Variants in RABGAP1 observed in about 807,000 individuals in gnomAD.
RABGAP1 encodes RAB GTPase activating protein 1, also known as rab GTPase-activating protein 1.
In RABGAP1, 23 loss-of-function variants were observed where a neutral mutation model predicts 137.6. That is an observed-to-expected ratio of 0.17 (90% CI 0.12 to 0.24). RABGAP1 has a LOEUF of 0.24. Ranked by LOEUF, RABGAP1 falls within the 10% of genes least tolerant of loss-of-function variation. The pLI is 1.00. For missense variants in RABGAP1, 906 were observed against 1,275.8 expected (o/e 0.71, Z 4.42); for synonymous variants, 451 against 450.7 (o/e 1.00, Z -0.01).
rs116594588 is a variant in RABGAP1, at chr9:122,999,644, C to T, written c.1374+878C>T. Among the ~76,000 whole-genome samples the T allele has an allele frequency of 3.0e-3, 450 of 151,862 alleles. 3 individuals are homozygous for T. The highest frequency in any genetic ancestry group is 0.01 in the African/African-American group (421 of 41,414). ...ACATGATTAGGTACGGTTTTCTTTC[C>T]GTTTATCCTGCTTGGGATTTGTTGG... On this transcript the variant is annotated intron_variant, in intron 10 of 25. Transcript: ENST00000373647.
chr9:123,046,549 A>G (rs187341229), intron 13 of RABGAP1, among the ~76,000 whole-genome samples: 1 of 152,288 alleles, frequency 6.6e-6, no homozygotes, highest in East Asian at 1.9e-4. Context: ...TAATCGTTCT[A>G]AGTCTCAGTT....
At chr9:123,036,672 G>A (rs903926572) in intron 13 of RABGAP1, among the ~76,000 whole-genome samples, 1 of 152,040 alleles carries the variant, frequency 6.6e-6, no homozygotes, top group Admixed American at 6.6e-5. Context: ...TGGTTAAATG[G>A]AATCAACTAG....
chr9:123,035,628 T>TAA lies in RABGAP1; in HGVS notation c.1794+15170_1794+15171insAA, dbSNP rs1430389963. The TAA allele has an allele frequency of 4.7e-6, 7 of 1,489,402 alleles. 1 individual carries two copies. In the African/African-American group the frequency reaches 9.9e-5, roughly 21 times the overall value. 92.3% of individuals were successfully genotyped at this position (1,489,402 alleles called of 1,614,324 possible). On this transcript the variant is annotated intron_variant, in intron 13 of 25. Transcript: ENST00000373647. ...GATGTCATATCTGAAGTGGCTCAGTTACGGGGTTCCCGTGTGTGTGTGTGT... is the reference window on the plus strand; with the variant it reads ...GATGTCATATCTGAAGTGGCTCAGTTAAACGGGGTTCCCGTGTGTGTGTGTGT...
At chr9:123,083,842 C>T (rs142002666) in intron 19 of RABGAP1, among the ~76,000 whole-genome samples, 2,310 of 152,276 alleles carry the variant, frequency 0.015, 28 homozygotes, top group Non-Finnish European at 0.022. Flanking sequence ...CCCTCAAATA[C>T]GAGTGTTCTT....
intron 9 of RABGAP1, 59 bp from the exon 10 acceptor site, chr9:122,998,538 T>C (rs1206944871): frequency 1.1e-5 from 14 of 1,268,296 alleles, no homozygotes; most frequent in Admixed American, 5.2e-5. Flanking sequence ...TGGAATCTTA[T>C]GAGCAAATAT....
At chr9:123,099,844 G>A (rs2035289390) in intron 24 of RABGAP1, among the ~76,000 whole-genome samples, 1 of 152,228 alleles carries the variant, frequency 6.6e-6, no homozygotes. Context: ...AGGAGAAGGA[G>A]TCATGCAAGT....
At chr9:123,081,377 T>C (rs2034702461) in intron 19 of RABGAP1, among the ~76,000 whole-genome samples, 1 of 152,168 alleles carries the variant, frequency 6.6e-6, no homozygotes, top group African/African-American at 2.4e-5. Flanking sequence ...AGGTGAGAAT[T>C]GGAAATATTT....
At chr9:123,028,575 G>A (rs186778193) in intron 13 of RABGAP1, among the ~76,000 whole-genome samples, 177 of 152,310 alleles carry the variant, frequency 1.2e-3, no homozygotes, top group African/African-American at 3.5e-3. Flanking sequence ...AGAGAACAGC[G>A]TGTACTCAAG....
intron 11 of RABGAP1, among the ~76,000 whole-genome samples, chr9:123,012,982 A>G (rs565720943): frequency 3.5e-4 from 54 of 152,326 alleles, no homozygotes; most frequent in Non-Finnish European, 6.8e-4. Flanking sequence ...GCAGAAACCC[A>G]GAAATTATAA....
intron 10 of RABGAP1, 136 bp downstream of exon 10, chr9:122,998,902 A>G (rs949261825): frequency 9.9e-6 from 5 of 504,496 alleles, no homozygotes; most frequent in African/African-American, 7.9e-5. Flanking sequence ...TATATTTTTC[A>G]TATTTACCCA....
chr9:123,046,631 G>A (rs1308042863), intron 13 of RABGAP1, among the ~76,000 whole-genome samples: 1 of 152,208 alleles, frequency 6.6e-6, no homozygotes, highest in Non-Finnish European at 1.5e-5. Flanking sequence ...AAAGCTCTTA[G>A]CGTAGTGCTT....
intron 10 of RABGAP1, among the ~76,000 whole-genome samples, chr9:123,004,722 C>T (rs566592732): frequency 6.6e-6 from 1 of 152,122 alleles, no homozygotes; most frequent in South Asian, 2.1e-4. Context: ...ATTTTATTTA[C>T]AGTAACAGTA....
At chr9:123,034,258 C>T in intron 13 of RABGAP1, 1 of 404,874 alleles carries the variant, frequency 2.5e-6, no homozygotes, top group Non-Finnish European at 4.4e-6. Flanking sequence ...CCTCACTTGG[C>T]CTGAAGACGT....
intron 21 of RABGAP1, among the ~76,000 whole-genome samples, chr9:123,093,507 G>A (rs2035091717): frequency 6.6e-6 from 1 of 152,240 alleles, no homozygotes; most frequent in African/African-American, 2.4e-5. Flanking sequence ...CCCAACTGCT[G>A]TCCAGCAGGA....
chr9:123,068,596 C>T (rs2034256914), intron 14 of RABGAP1, among the ~76,000 whole-genome samples: 1 of 152,036 alleles, frequency 6.6e-6, no homozygotes, highest in Non-Finnish European at 1.5e-5. Flanking sequence ...AAAGTGGTGC[C>T]TCGTATTATA....
At chr9:123,050,851 T>C (rs1463542084) in intron 13 of RABGAP1, among the ~76,000 whole-genome samples, 1 of 152,228 alleles carries the variant, frequency 6.6e-6, no homozygotes, top group African/African-American at 2.4e-5. Context: ...ATGTATAATT[T>C]TTTAGGAGAA....
intron 2 of RABGAP1, among the ~76,000 whole-genome samples, chr9:122,973,296 G>A (rs1189220100): frequency 6.6e-6 from 1 of 152,056 alleles, no homozygotes; most frequent in Non-Finnish European, 1.5e-5. Context: ...GGAGTGCAGT[G>A]GCATGATCCC....
rs376210786 is a variant in RABGAP1, at chr9:123,089,900, A to G, written c.2517+50A>G. 114 of 1,480,836 alleles carry G rather than the reference A, an allele frequency of 7.7e-5. 2 individuals are homozygous for G. In the South Asian group the frequency reaches 1.2e-3, roughly 16 times the overall value. The allele number at this position is 1,480,836 out of a possible 1,614,324, so 91.7% of individuals were successfully genotyped here. A position where few individuals can be genotyped will look rare whatever the true frequency, so the allele number is the denominator to read the frequency against. On this transcript the variant is annotated intron_variant, in intron 20 of 25. Coordinates refer to ENST00000373647, the MANE Select transcript of RABGAP1 (RefSeq NM_012197.4). ...TGAGGAGCTCCCATGCTTTCATTTC[A>G]TATGATTGCGCCTGTAACTAGCTTT...
chr9:122,981,583 C>A lies in RABGAP1; in HGVS notation c.151-2902C>A, dbSNP rs185306727. ...TCAAATTATTGAATACCACCCCAGA[C>A]TTAGTTAATTGGAAACTCAGGTAGG... On this transcript the variant is annotated intron_variant, in intron 2 of 25. Coordinates refer to ENST00000373647, the MANE Select transcript of RABGAP1 (RefSeq NM_012197.4). Among the ~76,000 whole-genome samples the A allele has an allele frequency of 5.1e-3, 778 of 152,232 alleles. 18 individuals are homozygous for A. Among genetic ancestry groups the A allele is most frequent in the Admixed American group, 0.047 (715 of 15,284 alleles).
Sources: gnomAD v4.1 joint callset for allele counts (sites outside exome capture counted in the v4.1 genomes callset) on GRCh38, gnomAD v4.1.1 for gene constraint, MANE v1.5 for transcripts, NCBI Gene and HGNC (gene_info 2026-07-23, HGNC 2026-07-21) for gene names.